Variants in SCN10A observed in about 807,000 individuals in gnomAD.
SCN10A encodes the protein sodium voltage-gated channel alpha subunit 10, also known as sodium channel protein type 10 subunit alpha.
Under a neutral mutation model 170.7 loss-of-function variants are expected in SCN10A, and 162 were observed. That is an observed-to-expected ratio of 0.95 (90% CI 0.84 to 1.08). The LOEUF (loss-of-function observed/expected upper bound fraction) is 1.08. Among genes scored for constraint, SCN10A ranks in the 50% least tolerant of loss-of-function variants. The pLI is 0.00. For synonymous variants in SCN10A, 985 were observed against 904.6 expected (o/e 1.09, Z -1.59); for missense variants, 2,527 against 2,436.9 (o/e 1.04, Z -0.78).
chr3:38,741,527 T>C (rs1252481282), intron 14 of SCN10A, among the ~76,000 whole-genome samples: 2 of 152,180 alleles, frequency 1.3e-5, no homozygotes, highest in Admixed American at 1.3e-4. Flanking sequence ...GAAAATAAAA[T>C]GAGATAATCC....
At chr3:38,784,401 T>G (rs560552869) in intron 4 of SCN10A, among the ~76,000 whole-genome samples, 1 of 152,176 alleles carries the variant, frequency 6.6e-6, no homozygotes, top group Non-Finnish European at 1.5e-5. Flanking sequence ...TCTCAATAGA[T>G]GCAGAAAAGG....
intron 1 of SCN10A, among the ~76,000 whole-genome samples, chr3:38,795,013 A>G (rs2064329953): frequency 6.6e-6 from 1 of 151,494 alleles, no homozygotes; most frequent in Non-Finnish European, 1.5e-5. Context: ...TTAGGATCTT[A>G]TCTCATATCT....
intron 2 of SCN10A, 55 bp from the exon 3 acceptor site, chr3:38,792,223 A>G: frequency 6.3e-7 from 1 of 1,599,084 alleles, no homozygotes; most frequent in Non-Finnish European, 8.5e-7. Context: ...GATTCCTTAT[A>G]CAACCATGTT....
At chr3:38,731,261 C>G (rs773605150) in intron 15 of SCN10A, among the ~76,000 whole-genome samples, 1 of 152,086 alleles carries the variant, frequency 6.6e-6, no homozygotes. Flanking sequence ...CTCAAAGACA[C>G]GGGCAAACTG....
In SCN10A at chr3:38,760,668, G is replaced by T; in HGVS notation, c.950+13C>A. On this transcript the variant is annotated intron_variant, in intron 8 of 27. Transcript: ENST00000449082. ...GTTGGGCACTCGTGCTTTGTCATAA[G>T]TTGGGAACTCACCCTGAGTCAGATC... 1 of 1,609,814 alleles carries T rather than the reference G, an allele frequency of 6.2e-7. No homozygotes were observed. The highest frequency in any genetic ancestry group is 8.5e-7 in the Non-Finnish European group (1 of 1,176,038).
At chr3:38,713,799 T>C (rs1422226090) in intron 22 of SCN10A, among the ~76,000 whole-genome samples, 159 bp downstream of exon 22, 1 of 152,148 alleles carries the variant, frequency 6.6e-6, no homozygotes, top group East Asian at 1.9e-4. Context: ...TAGTGATTTT[T>C]GTACTTTTAG....
chr3:38,730,543 A>C (rs2063504004), intron 15 of SCN10A, among the ~76,000 whole-genome samples: 1 of 152,208 alleles, frequency 6.6e-6, no homozygotes, highest in Non-Finnish European at 1.5e-5. Context: ...ATGTGGAAAT[A>C]GTCATTCCAT....
At chr3:38,782,515 T>C (rs1443395366) in intron 4 of SCN10A, among the ~76,000 whole-genome samples, 1 of 152,114 alleles carries the variant, frequency 6.6e-6, no homozygotes. Context: ...CGTGCTGTCA[T>C]TCTATTGGCA....
chr3:38,727,372 G>A (rs1169541506), intron 16 of SCN10A, among the ~76,000 whole-genome samples: 1 of 152,226 alleles, frequency 6.6e-6, no homozygotes, highest in East Asian at 1.9e-4. Context: ...ACCCTCATGT[G>A]CCAAAGCCCT....
chr3:38,722,085 G>A (rs1315260929), intron 20 of SCN10A, among the ~76,000 whole-genome samples, 173 bp downstream of exon 20: 1 of 152,240 alleles, frequency 6.6e-6, no homozygotes, highest in Admixed American at 6.5e-5. Context: ...CACCTCCCAT[G>A]CTCTGCTGCT....
intron 1 of SCN10A, among the ~76,000 whole-genome samples, chr3:38,802,288 C>T (rs772693028): frequency 3.3e-5 from 5 of 152,150 alleles, no homozygotes; most frequent in Admixed American, 3.3e-4. Flanking sequence ...ATGAAGACAA[C>T]CTAAGTAGTC....
At position 38,753,793 on chromosome 3, in the gene SCN10A, A is replaced by C. The variant is rs186351725; in HGVS notation, c.1462-1281T>G. 2.3e-3 allele frequency among the ~76,000 whole-genome samples: 344 copies of C among 152,328 alleles called. 1 individual carries two copies. Among genetic ancestry groups the C allele is most frequent in the African/African-American group, 7.7e-3 (320 of 41,578 alleles). ...TGACAGCAGTGTCTCCTTGGCCACG[A>C]GTTATTTTAGAATTAAGGTTTTGAC... On this transcript the variant is annotated intron_variant, in intron 11 of 27. Coordinates refer to ENST00000449082, the MANE Select transcript of SCN10A (RefSeq NM_006514.4).
chr3:38,799,615 G>T (rs2064359655), intron 1 of SCN10A, among the ~76,000 whole-genome samples: 1 of 152,136 alleles, frequency 6.6e-6, no homozygotes, highest in South Asian at 2.1e-4. Context: ...TTGAGAACGT[G>T]CTTCTGCCTG....
chr3:38,723,498 T>A lies in SCN10A; in HGVS notation c.3284A>T (p.Glu1095Val), dbSNP rs1406503890. The change falls in exon 19 of 28, where the codon GAG (glutamate) becomes GTG (valine). Residue 1095 changes from glutamate (E) to valine (V), a missense_variant. Glu to Val is a moderately radical substitution (Grantham distance 121). Transcript: ENST00000449082. Reference protein sequence around the residue: ...EGSTVDCLDPEEILRKIPELA... With the variant: ...EGSTVDCLDPVEILRKIPELA... ...CTCAGGGATCTTCCTCAGGATTTCCTCAGGATCTAGGCAGTCCACCGTGCT... is the reference window on the plus strand; with the variant it reads ...CTCAGGGATCTTCCTCAGGATTTCCACAGGATCTAGGCAGTCCACCGTGCT... 1 of 1,613,714 alleles carries A rather than the reference T, an allele frequency of 6.2e-7. No individual in the cohort carries two copies. The highest frequency in any genetic ancestry group is 2.2e-5 in the East Asian group (1 of 44,856).
intron 11 of SCN10A, among the ~76,000 whole-genome samples, chr3:38,754,532 G>C (rs2063782545): frequency 6.6e-6 from 1 of 152,184 alleles, no homozygotes; most frequent in South Asian, 2.1e-4. Flanking sequence ...GTGTGGGGCT[G>C]ACAGAATGGG....
intron 14 of SCN10A, 65 bp downstream of exon 14, chr3:38,742,226 C>A: frequency 1.7e-6 from 2 of 1,172,830 alleles, no homozygotes; most frequent in Admixed American, 1.7e-5. Flanking sequence ...CCGAACTGCA[C>A]CCTGCCATCA....
At chr3:38,699,773 A>G (rs1257214061) in intron 27 of SCN10A, among the ~76,000 whole-genome samples, 1 of 152,196 alleles carries the variant, frequency 6.6e-6, no homozygotes, top group African/African-American at 2.4e-5. Context: ...AATTTGCTCC[A>G]GGATCTTATT....
In SCN10A at chr3:38,739,371, C is replaced by G. The variant is rs559337010; in HGVS notation, c.2280+144G>C. ...AAAAGCTGGGGCCACAGACCCAAGT[C>G]TCCAGTCGCCCAGGAGTCAGACCCT... On this transcript the variant is annotated intron_variant, in intron 15 of 27. Transcript: ENST00000449082. The G allele has an allele frequency of 1.3e-4, 86 of 661,012 alleles. No individual in the cohort carries two copies. The East Asian group carries it at 2.5e-3, about 19-fold the overall frequency. 40.9% of individuals were successfully genotyped at this position (661,012 alleles called of 1,614,324 possible).
At chr3:38,772,428 G>A (rs989205236) in intron 4 of SCN10A, among the ~76,000 whole-genome samples, 33 of 152,102 alleles carry the variant, frequency 2.2e-4, no homozygotes, top group Admixed American at 4.6e-4. Flanking sequence ...TGTGGCTCAC[G>A]CCTGTAATCG....
Sources: allele counts gnomAD v4.1 joint callset (sites outside exome capture counted in the v4.1 genomes callset), GRCh38; gene constraint gnomAD v4.1.1; transcripts MANE v1.5; gene names NCBI Gene and HGNC (gene_info 2026-07-23, HGNC 2026-07-21).